The following TMEM132B variants were observed in gnomAD, a reference collection of about 807,000 sequenced individuals.
The protein encoded by TMEM132B is transmembrane protein 132B.
TMEM132B carries 18 observed loss-of-function variants against 90.8 expected under a neutral mutation model. That is an observed-to-expected ratio of 0.20 (90% CI 0.14 to 0.29). The LOEUF (loss-of-function observed/expected upper bound fraction) is 0.29. Among genes scored for constraint, TMEM132B ranks in the 10% least tolerant of loss-of-function variants. The probability of loss-of-function intolerance (pLI) is 1.00; values close to 1 mark genes in which losing one functional copy is unlikely to be tolerated. For synonymous variants in TMEM132B, 504 were observed against 523.3 expected (o/e 0.96, Z 0.50); for missense variants, 1,096 against 1,326.8 (o/e 0.83, Z 2.70).
chr12:125,287,960 C>T lies in TMEM132B; in HGVS notation c.68-61492C>T, dbSNP rs182884216. Among the ~76,000 whole-genome samples, 93 of 152,042 alleles carry T rather than the reference C, an allele frequency of 6.1e-4. 1 individual carries two copies. The East Asian group carries it at 0.016, about 27-fold the overall frequency. Reference sequence around the variant, plus strand: ...TCGGCTCACTGCAACCTCTGCCTCCCGGGTTCAAGCGATTCTCCTGCTTCA... The same window carrying T: ...TCGGCTCACTGCAACCTCTGCCTCCTGGGTTCAAGCGATTCTCCTGCTTCA... On this transcript the variant is annotated intron_variant, in intron 1 of 8. Coordinates refer to ENST00000682704, the MANE Select transcript of TMEM132B (RefSeq NM_001366854.1).
intron 5 of TMEM132B, among the ~76,000 whole-genome samples, chr12:125,618,357 C>G (rs1055823563): frequency 6.6e-6 from 1 of 152,140 alleles, no homozygotes; most frequent in Non-Finnish European, 1.5e-5. Flanking sequence ...TCACACTGAC[C>G]TGGTATTTAG....
chr12:125,364,427 T>G (rs1430637330), intron 2 of TMEM132B, among the ~76,000 whole-genome samples: 1 of 152,216 alleles, frequency 6.6e-6, no homozygotes, highest in Non-Finnish European at 1.5e-5. Context: ...TATCTATCAA[T>G]CTATCTCTTC....
At chr12:125,511,360 G>A (rs1882973465) in intron 3 of TMEM132B, among the ~76,000 whole-genome samples, 1 of 152,154 alleles carries the variant, frequency 6.6e-6, no homozygotes, top group South Asian at 2.1e-4. Flanking sequence ...ATACGAAGGT[G>A]TTTCATGGAA....
rs200559693 is a variant in TMEM132B at position 125,650,960 on chromosome 12, G to A, written c.1914+7G>A. The A allele has an allele frequency of 3.2e-5, 52 of 1,611,492 alleles. No homozygotes were observed. The highest frequency in any genetic ancestry group is 4.4e-5 in the South Asian group (4 of 90,958). On this transcript the variant is annotated splice_region_variant and intron_variant, in intron 7 of 8. Transcript: ENST00000682704. ...GGGAATAACCACGGTGCAGGTACACGCCGCCATGCCTTGCCCAACAGCAGT... is the reference window on the plus strand; with the variant it reads ...GGGAATAACCACGGTGCAGGTACACACCGCCATGCCTTGCCCAACAGCAGT...
chr12:125,195,286 A>G (rs1872899161), intron 1 of TMEM132B, among the ~76,000 whole-genome samples: 1 of 152,026 alleles, frequency 6.6e-6, no homozygotes, highest in African/African-American at 2.4e-5. Flanking sequence ...AGAGACGGAT[A>G]CTGAACACAA....
chr12:125,511,921 T>G (rs575165585), intron 3 of TMEM132B, among the ~76,000 whole-genome samples: 39 of 151,036 alleles, frequency 2.6e-4, no homozygotes, highest in African/African-American at 9.2e-4. Flanking sequence ...ATCACATTCC[T>G]AGGAAGTGTC....
chr12:125,244,755 G>A (rs757722910), intron 1 of TMEM132B, among the ~76,000 whole-genome samples: 1 of 152,218 alleles, frequency 6.6e-6, no homozygotes, highest in Non-Finnish European at 1.5e-5. Context: ...AAGGGATGAT[G>A]GCTTGTCCTC....
At chr12:125,570,140 G>A (rs567420913) in intron 4 of TMEM132B, among the ~76,000 whole-genome samples, 1 of 152,270 alleles carries the variant, frequency 6.6e-6, no homozygotes, top group Non-Finnish European at 1.5e-5. Flanking sequence ...TGGGAAAAAA[G>A]AAACCTGGTC....
At chr12:125,377,696 A>C (rs1304493039) in intron 2 of TMEM132B, among the ~76,000 whole-genome samples, 1 of 152,152 alleles carries the variant, frequency 6.6e-6, no homozygotes, top group Non-Finnish European at 1.5e-5. Context: ...GGGACGTCTG[A>C]ATATTTTCAA....
chr12:125,528,386 T>A (rs1883550911), intron 4 of TMEM132B, among the ~76,000 whole-genome samples: 1 of 152,126 alleles, frequency 6.6e-6, no homozygotes, highest in Non-Finnish European at 1.5e-5. Flanking sequence ...CACTTGTGAG[T>A]TTCTAGGCAA....
At chr12:125,566,835 C>CTTTTTTTT (rs869196346) in intron 4 of TMEM132B, among the ~76,000 whole-genome samples, 4 of 78,736 alleles carry the variant, frequency 5.1e-5, no homozygotes, top group African/African-American at 1.8e-4. Context: ...TCTTCTTCTT[C>CTTTTTTTT]TTTTTTTTTT....
chr12:125,555,113 A>G (rs1434244881), intron 4 of TMEM132B, among the ~76,000 whole-genome samples: 2 of 152,220 alleles, frequency 1.3e-5, no homozygotes, highest in East Asian at 3.8e-4. Flanking sequence ...CTGAAGGGCT[A>G]GCAATGAGGT....
chr12:125,260,275 T>G (rs1874533625), intron 1 of TMEM132B, among the ~76,000 whole-genome samples: 1 of 152,248 alleles, frequency 6.6e-6, no homozygotes, highest in South Asian at 2.1e-4. Flanking sequence ...AGTACATCAC[T>G]ACTTGAAATA....
intron 2 of TMEM132B, among the ~76,000 whole-genome samples, chr12:125,413,986 C>T (rs1879935023): frequency 6.6e-6 from 1 of 152,234 alleles, no homozygotes; most frequent in Non-Finnish European, 1.5e-5. Context: ...AATTTCTCTA[C>T]ATCCTCACCA....
chr12:125,623,266 A>G (rs1350822884), intron 5 of TMEM132B, among the ~76,000 whole-genome samples: 2 of 152,202 alleles, frequency 1.3e-5, no homozygotes, highest in Non-Finnish European at 2.9e-5. Context: ...AAATGAAAAC[A>G]TCCTACAGAT....
rs562136193 is a variant in TMEM132B at position 125,648,988 on chromosome 12, C to T, written c.1644-1695C>T. 2.6e-5 allele frequency among the ~76,000 whole-genome samples: 4 copies of T among 152,210 alleles called. No homozygotes were observed. The South Asian group carries it at 8.3e-4, about 32-fold the overall frequency. On this transcript the variant is annotated intron_variant, in intron 6 of 8. Coordinates refer to ENST00000682704, the MANE Select transcript of TMEM132B (RefSeq NM_001366854.1). ...ATCCTAGCACAGAACAGAGACATTC[C>T]CTGTGACATATTCAGAAGGACTGGA...
chr12:125,444,288 T>C (rs1299726970), intron 3 of TMEM132B, among the ~76,000 whole-genome samples: 3 of 152,232 alleles, frequency 2.0e-5, no homozygotes, highest in African/African-American at 7.2e-5. Context: ...TTGTTAACAT[T>C]TTCCCCCTAC....
At chr12:125,537,587 T>C (rs1488732655) in intron 4 of TMEM132B, among the ~76,000 whole-genome samples, 1 of 152,102 alleles carries the variant, frequency 6.6e-6, no homozygotes, top group East Asian at 1.9e-4. Flanking sequence ...GAGATATTGA[T>C]TGATGCCATC....
At chr12:125,573,985 A>G (rs901139656) in intron 4 of TMEM132B, among the ~76,000 whole-genome samples, 1 of 152,180 alleles carries the variant, frequency 6.6e-6, no homozygotes, top group Admixed American at 6.5e-5. Flanking sequence ...GTTACATAAT[A>G]TTTTATACTG....
Sources: gnomAD v4.1 joint callset for allele counts (sites outside exome capture counted in the v4.1 genomes callset) on GRCh38, gnomAD v4.1.1 for gene constraint, MANE v1.5 for transcripts, NCBI Gene and HGNC (gene_info 2026-07-23, HGNC 2026-07-21) for gene names.